NAA60: variants seen among roughly 807,000 people sequenced by gnomAD.
The protein encoded by NAA60 is N-alpha-acetyltransferase 60, NatF catalytic subunit, also known as N-alpha-acetyltransferase 60.
Under a neutral mutation model 26.1 loss-of-function variants are expected in NAA60, and 8 were observed. That is an observed-to-expected ratio of 0.31 (90% CI 0.18 to 0.55). The LOEUF (loss-of-function observed/expected upper bound fraction) is 0.55. Among genes scored for constraint, NAA60 ranks in the 20% least tolerant of loss-of-function variants. The probability of loss-of-function intolerance (pLI) is 0.93; values close to 1 mark genes in which losing one functional copy is unlikely to be tolerated. For synonymous variants in NAA60, 131 were observed against 122.5 expected, an observed-to-expected ratio of 1.07 and a Z score of -0.46; for missense variants, 290 against 311.3, an observed-to-expected ratio of 0.93 and a Z score of 0.51.
intron 2 of NAA60, among the ~76,000 whole-genome samples, chr16:3,473,108 T>C (rs924272039): frequency 8.5e-5 from 13 of 152,134 alleles, no homozygotes; most frequent in Admixed American, 3.9e-4. Context: ...CCATCTCAGC[T>C]CACTGCAACC....
intron 4 of NAA60, 134 bp from the exon 5 acceptor site, chr16:3,482,368 T>C (rs947498155): frequency 2.8e-6 from 2 of 720,088 alleles, no homozygotes; most frequent in Non-Finnish European, 4.8e-6. Flanking sequence ...CCAGTACCTC[T>C]TGATTCTGCC....
In NAA60 at chr16:3,485,941, GTT is replaced by G; in HGVS notation, c.*682_*683del. On this transcript the variant is annotated 3_prime_UTR_variant, in exon 8 of 8. Coordinates refer to ENST00000407558, the MANE Select transcript of NAA60 (RefSeq NM_001083601.3). The stretch of plus-strand genomic sequence containing the variant: ...CCTACTCCTCAGCACCTTCCGTGCA[GTT>G]ACCAGTGCCCTGGGAGGTCACACTG... 1 of 322,302 alleles carries G rather than the reference GTT, an allele frequency of 3.1e-6. No individual in the cohort carries two copies. The highest frequency in any genetic ancestry group is 6.1e-6 in the Non-Finnish European group (1 of 162,864). 20.0% of individuals were successfully genotyped at this position (322,302 alleles called of 1,614,324 possible).
intron 2 of NAA60, chr16:3,458,128 C>T (rs2035104637): frequency 1.0e-6 from 1 of 985,148 alleles, no homozygotes; most frequent in Admixed American, 6.2e-5. Flanking sequence ...CCCTTCGCCT[C>T]CAGGATGCGC....
At chr16:3,474,979 C>A (rs1328576478) in intron 2 of NAA60, among the ~76,000 whole-genome samples, 1 of 152,058 alleles carries the variant, frequency 6.6e-6, no homozygotes, top group Non-Finnish European at 1.5e-5. Flanking sequence ...CAGGGTCTTG[C>A]TATGTTGCCC....
chr16:3,456,856 C>G (rs1471174245), intron 2 of NAA60: 1 of 152,048 alleles, frequency 6.6e-6, no homozygotes, highest in African/African-American at 2.4e-5. Context: ...GTGGCGCAAT[C>G]TCGGCTCACT....
At chr16:3,463,536 A>G (rs2035547798) in intron 2 of NAA60, among the ~76,000 whole-genome samples, 1 of 137,282 alleles carries the variant, frequency 7.3e-6, no homozygotes. Flanking sequence ...TGAGTGACAG[A>G]GTGAGACCCT....
intron 4 of NAA60, among the ~76,000 whole-genome samples, chr16:3,482,061 GGGGCAGC>G (rs1420507370): frequency 6.6e-6 from 1 of 152,140 alleles, no homozygotes; most frequent in Non-Finnish European, 1.5e-5. Flanking sequence ...AAGATCACCT[GGGGCAGC>G]GTGCGATTCT....
chr16:3,458,478 C>T (rs543623644), intron 2 of NAA60, among the ~76,000 whole-genome samples: 20 of 152,244 alleles, frequency 1.3e-4, no homozygotes, highest in Non-Finnish European at 2.6e-4. Context: ...TGTCCGACCC[C>T]GCGATGAGTG....
intron 3 of NAA60, 84 bp downstream of exon 3, chr16:3,476,421 G>A (rs987558741): frequency 3.4e-6 from 4 of 1,159,974 alleles, no homozygotes; most frequent in Non-Finnish European, 5.0e-6. Context: ...GGCCTCTTGG[G>A]CCCTTAGGAC....
intron 2 of NAA60, among the ~76,000 whole-genome samples, chr16:3,466,866 T>C (rs1398570197): frequency 6.6e-6 from 1 of 152,090 alleles, no homozygotes; most frequent in Non-Finnish European, 1.5e-5. Flanking sequence ...CCTTCACCAG[T>C]GTGCTGGGAC....
At chr16:3,462,089 A>AAAAAACAAC (rs1191940050) in intron 2 of NAA60, among the ~76,000 whole-genome samples, 2 of 150,576 alleles carry the variant, frequency 1.3e-5, no homozygotes, top group Non-Finnish European at 3.0e-5. Flanking sequence ...CTTATATCAA[A>AAAAAACAAC]AAAAAAAAAA....
chr16:3,455,103 G>A (rs1388603822), intron 2 of NAA60, among the ~76,000 whole-genome samples: 4 of 152,208 alleles, frequency 2.6e-5, no homozygotes, highest in Non-Finnish European at 4.4e-5. Context: ...CCAGGCTGGA[G>A]TGCAATGGTG....
In NAA60 at chr16:3,484,252, G is replaced by A. The variant is rs77135908; in HGVS notation, c.573-447G>A. ...AATAATAAGCAGGAAAGAGAGGGGT[G>A]ACCCCACACTCCACAGGCCGTCTAG... On this transcript the variant is annotated intron_variant, in intron 6 of 7. Transcript: ENST00000407558. Among the ~76,000 whole-genome samples, 382 of 152,292 alleles carry A rather than the reference G, an allele frequency of 2.5e-3. 1 individual carries two copies. Among genetic ancestry groups the A allele is most frequent in the African/African-American group, 8.1e-3 (336 of 41,562 alleles).
intron 1 of NAA60, among the ~76,000 whole-genome samples, chr16:3,445,552 A>C (rs549048912): frequency 2.0e-5 from 3 of 151,894 alleles, no homozygotes; most frequent in South Asian, 2.1e-4. Context: ...TGGGATTACA[A>C]GCGTGAGCCA....
chr16:3,472,256 T>C (rs1205539906), intron 2 of NAA60: 1 of 152,238 alleles, frequency 6.6e-6, no homozygotes, highest in East Asian at 1.9e-4. Context: ...CCGTGGCCCA[T>C]GGTGGCAGCT....
rs1294064993 is a variant in NAA60, at chr16:3,457,901, GAGCCTGCCCGCTCCC to G, written c.-7+9363_-7+9377del. The G allele has an allele frequency of 4.7e-6, 4 of 854,304 alleles. No individual in the cohort carries two copies. In the East Asian group the frequency reaches 3.7e-4, roughly 79 times the overall value. 52.9% of individuals were successfully genotyped at this position (854,304 alleles called of 1,614,324 possible). A position where few individuals can be genotyped will look rare whatever the true frequency, so the allele number is the denominator to read the frequency against. ...GGGATCCTGGGCCTGGCTTCGCACG[GAGCCTGCCCGCTCCC>G]AACCTGCCCGCTCCCAACATGGCGG... On this transcript the variant is annotated intron_variant, in intron 2 of 7. Coordinates refer to ENST00000407558, the MANE Select transcript of NAA60 (RefSeq NM_001083601.3).
At position 3,483,798 on chromosome 16, in the gene NAA60, G is replaced by A. The variant is rs536970419; in HGVS notation, c.572+201G>A. ...ATCGAGTTGCACATATTACCATGTT[G>A]CCCAGGCTGGTCTCGAACTCCTAAG... is the stretch of plus-strand genomic sequence containing the variant. On this transcript the variant is annotated intron_variant, in intron 6 of 7. Coordinates refer to ENST00000407558, the MANE Select transcript of NAA60 (RefSeq NM_001083601.3). 21 of 577,718 alleles carry A rather than the reference G, an allele frequency of 3.6e-5. 1 individual carries two copies. The East Asian group carries it at 6.2e-4, about 17-fold the overall frequency. 35.8% of individuals were successfully genotyped at this position (577,718 alleles called of 1,614,324 possible). A position where few individuals can be genotyped will look rare whatever the true frequency, so the allele number is the denominator to read the frequency against.
intron 2 of NAA60, among the ~76,000 whole-genome samples, chr16:3,450,999 T>G (rs999097125): frequency 3.3e-5 from 5 of 152,358 alleles, no homozygotes; most frequent in African/African-American, 4.8e-5. Context: ...TATAACTCAG[T>G]GTTTAGCGTA....
intron 2 of NAA60, among the ~76,000 whole-genome samples, chr16:3,467,419 AC>A (rs1385160327): frequency 2.0e-5 from 3 of 152,038 alleles, no homozygotes; most frequent in African/African-American, 7.3e-5. Context: ...AGGCCAGGAC[AC>A]CTCTCAAGCC....
Sources: allele counts gnomAD v4.1 joint callset (sites outside exome capture counted in the v4.1 genomes callset), GRCh38; gene constraint gnomAD v4.1.1; transcripts MANE v1.5; gene names NCBI Gene and HGNC (gene_info 2026-07-23, HGNC 2026-07-21).